STXBP4: variants seen among roughly 807,000 people sequenced by gnomAD.
STXBP4 encodes syntaxin binding protein 4.
Under a neutral mutation model 76.1 loss-of-function variants are expected in STXBP4, and 55 were observed. That is an observed-to-expected ratio of 0.72 (90% CI 0.58 to 0.91). The LOEUF (loss-of-function observed/expected upper bound fraction) is 0.91. STXBP4 is among the 40% of genes least tolerant of loss of function. The pLI is 0.00. For missense variants in STXBP4, 618 were observed against 636.9 expected (o/e 0.97, Z 0.32); for synonymous variants, 201 against 220.2 (o/e 0.91, Z 0.77).
chr17:55,182,283 G>A, the STXBP4 span, among the ~76,000 whole-genome samples: 3,006 of 152,158 alleles, frequency 0.02, 109 homozygotes, highest in African/African-American at 0.068. Context: ...GGAAACCACA[G>A]AAAAGGGGAT....
At chr17:55,047,033 T>G in intron 11 of STXBP4, 56 bp from the exon 12 acceptor site, 1 of 1,051,696 alleles carries the variant, frequency 9.5e-7, no homozygotes, top group East Asian at 2.4e-5. Flanking sequence ...GACTAAGAAG[T>G]CACACTTGTT....
intron 4 of STXBP4, among the ~76,000 whole-genome samples, chr17:54,995,862 C>A (rs1385921713): frequency 6.6e-6 from 1 of 152,152 alleles, no homozygotes; most frequent in Non-Finnish European, 1.5e-5. Context: ...CAGACTGTTT[C>A]TTGGCCCCCT....
At chr17:55,130,577 CTTA>C (rs1213357196) in intron 16 of STXBP4, among the ~76,000 whole-genome samples, 1 of 152,164 alleles carries the variant, frequency 6.6e-6, no homozygotes, top group African/African-American at 2.4e-5. Flanking sequence ...ACAACACATT[CTTA>C]TTAATGACGG....
At chr17:54,993,478 AAT>A (rs1475713380) in intron 4 of STXBP4, among the ~76,000 whole-genome samples, 5 of 82,092 alleles carry the variant, frequency 6.1e-5, no homozygotes, top group Middle Eastern at 5.4e-3. Flanking sequence ...ATTTCTAAAA[AAT>A]AAAAAAATTT....
At chr17:55,201,441 G>A in the STXBP4 span, among the ~76,000 whole-genome samples, 2 of 151,826 alleles carry the variant, frequency 1.3e-5, no homozygotes, top group East Asian at 1.9e-4. Flanking sequence ...AGGAAAGGAG[G>A]GAAAGGGAGG....
intron 7 of STXBP4, among the ~76,000 whole-genome samples, chr17:55,001,545 T>C (rs944953597): frequency 2.6e-5 from 4 of 152,200 alleles, no homozygotes; most frequent in Non-Finnish European, 4.4e-5. Context: ...AGACTAAACA[T>C]AACTGAAAAA....
chr17:55,059,377 C>T (rs1415200560), intron 12 of STXBP4, among the ~76,000 whole-genome samples: 1 of 152,084 alleles, frequency 6.6e-6, no homozygotes, highest in East Asian at 1.9e-4. Context: ...CTGACACAGA[C>T]ATTACAGTTC....
At chr17:54,978,213 A>G (rs1042845983) in intron 1 of STXBP4, among the ~76,000 whole-genome samples, 2 of 152,236 alleles carry the variant, frequency 1.3e-5, no homozygotes. Context: ...AGATCATTTT[A>G]TGAATGATTT....
intron 12 of STXBP4, among the ~76,000 whole-genome samples, chr17:55,072,069 G>T (rs1033003479): frequency 6.6e-6 from 1 of 152,106 alleles, no homozygotes; most frequent in African/African-American, 2.4e-5. Flanking sequence ...TAAGGTGGAA[G>T]GTATACCTGT....
chr17:55,078,317 C>T (rs2079212969), intron 14 of STXBP4, 123 bp downstream of exon 14: 1 of 651,662 alleles, frequency 1.5e-6, no homozygotes, highest in Non-Finnish European at 2.6e-6. Flanking sequence ...GCAATGCTGG[C>T]TTATGGTCAG....
downstream of STXBP4, among the ~76,000 whole-genome samples, chr17:55,175,977 G>A (rs185040366): frequency 1.7e-3 from 262 of 152,336 alleles, 1 homozygote; most frequent in South Asian, 8.3e-3. Context: ...ATGGAACTGA[G>A]AGGCAGGTGG....
intron 4 of STXBP4, 93 bp downstream of exon 4, chr17:54,991,050 C>T: frequency 7.6e-7 from 1 of 1,315,116 alleles, no homozygotes; most frequent in Non-Finnish European, 1.0e-6. Context: ...GAATTTATAT[C>T]CACTGTGACC....
At chr17:55,006,450 A>G (rs2078009318) in intron 7 of STXBP4, among the ~76,000 whole-genome samples, 2 of 152,194 alleles carry the variant, frequency 1.3e-5, no homozygotes, top group South Asian at 4.1e-4. Context: ...GTAAAATATC[A>G]TTTAAAAGTG....
At position 55,138,102 on chromosome 17, in the gene STXBP4, A is replaced by G. The variant is rs543774553; in HGVS notation, c.1490-3208A>G. On this transcript the variant is annotated intron_variant, in intron 16 of 17. Coordinates refer to ENST00000376352, the MANE Select transcript of STXBP4 (RefSeq NM_178509.6). The stretch of plus-strand genomic sequence containing the variant: ...AATTCTTTCTGCATTAGGGAGTTCA[A>G]CCTTTTTCTGTGCTATGACTTACCT... Among the ~76,000 whole-genome samples the G allele has an allele frequency of 3.9e-5, 6 of 152,064 alleles. No individual in the cohort carries two copies. The East Asian group carries it at 9.7e-4, about 24-fold the overall frequency.
chr17:55,051,264 A>G (rs1023250006), intron 12 of STXBP4, among the ~76,000 whole-genome samples: 1 of 152,174 alleles, frequency 6.6e-6, no homozygotes, highest in Non-Finnish European at 1.5e-5. Context: ...CTAAAACTGC[A>G]AGTGTACTGA....
intron 16 of STXBP4, among the ~76,000 whole-genome samples, chr17:55,082,016 C>T (rs1488916086): frequency 6.6e-6 from 1 of 152,008 alleles, no homozygotes; most frequent in African/African-American, 2.4e-5. Flanking sequence ...TCTTTATTTT[C>T]CTGCAATGAA....
At chr17:54,988,275 T>C (rs1034835642) in intron 3 of STXBP4, among the ~76,000 whole-genome samples, 1 of 152,184 alleles carries the variant, frequency 6.6e-6, no homozygotes, top group Admixed American at 6.5e-5. Flanking sequence ...AATAATACTT[T>C]GTTGGGATTA....
intron 16 of STXBP4, among the ~76,000 whole-genome samples, chr17:55,134,693 T>A (rs1326483619): frequency 6.6e-6 from 1 of 152,166 alleles, no homozygotes; most frequent in African/African-American, 2.4e-5. Context: ...GATCATTTCA[T>A]CCTATTATTC....
chr17:55,156,461 A>G (rs1278856750), intron 17 of STXBP4, among the ~76,000 whole-genome samples: 1 of 152,208 alleles, frequency 6.6e-6, no homozygotes. Context: ...CATCATAGGA[A>G]GAATTCCAAA....
Sources: allele counts gnomAD v4.1 joint callset (sites outside exome capture counted in the v4.1 genomes callset), GRCh38; gene constraint gnomAD v4.1.1; transcripts MANE v1.5; gene names NCBI Gene and HGNC (gene_info 2026-07-23, HGNC 2026-07-21).